The following CHST11 variants were observed in gnomAD, a reference collection of about 807,000 sequenced individuals.
CHST11 encodes the protein C4S-1.
A neutral mutation model predicts 30.4 loss-of-function variants in CHST11; 9 were observed. The observed-to-expected ratio is 0.30, with a 90% CI of 0.18 to 0.52. CHST11 has a LOEUF of 0.52. CHST11 is among the 20% of genes least tolerant of loss of function. The pLI is 0.97. For missense variants in CHST11, 348 were observed against 460.6 expected (o/e 0.76, Z 2.24); for synonymous variants, 152 against 187.8 (o/e 0.81, Z 1.56).
At chr12:104,732,072 C>A (rs577101155) in intron 2 of CHST11, among the ~76,000 whole-genome samples, 27 of 152,342 alleles carry the variant, frequency 1.8e-4, no homozygotes, top group Middle Eastern at 3.4e-3. Flanking sequence ...ATGCTCGGTC[C>A]CTCCAGGGAA....
Position 104,721,131 on chromosome 12 carries a change from G to A in CHST11, c.205-35818G>A, listed in dbSNP as rs74562416. Among the ~76,000 whole-genome samples the A allele has an allele frequency of 2.0e-5, 3 of 152,342 alleles. No individual in the cohort carries two copies. The East Asian group carries it at 5.8e-4, about 29-fold the overall frequency. The stretch of plus-strand genomic sequence containing the variant: ...AAACCAAGGGGAATTTAATGCAAGA[G>A]CAAACCCTAAAGCCAGAAGCTGGGT... On this transcript the variant is annotated intron_variant, in intron 2 of 2. Transcript: ENST00000303694.
intron 1 of CHST11, among the ~76,000 whole-genome samples, chr12:104,592,168 TTCTC>T (rs2038865692): frequency 6.7e-6 from 1 of 149,462 alleles, no homozygotes; most frequent in Non-Finnish European, 1.5e-5. Flanking sequence ...TACTCTCCCT[TTCTC>T]TCTTCTCCCT....
chr12:104,657,986 A>G (rs1170741529), intron 2 of CHST11, among the ~76,000 whole-genome samples: 1 of 152,206 alleles, frequency 6.6e-6, no homozygotes, highest in Non-Finnish European at 1.5e-5. Context: ...AGCAGTGTTC[A>G]GGGACGCAGC....
chr12:104,550,102 C>T (rs764776244), intron 1 of CHST11, among the ~76,000 whole-genome samples: 1 of 152,104 alleles, frequency 6.6e-6, no homozygotes, highest in Non-Finnish European at 1.5e-5. Context: ...TAGAGGCACC[C>T]CTTGTGGCTG....
intron 2 of CHST11, among the ~76,000 whole-genome samples, chr12:104,620,630 ATTTG>A (rs1040280362): frequency 7.2e-5 from 11 of 152,170 alleles, no homozygotes; most frequent in South Asian, 6.2e-4. Context: ...TTATTTATTT[ATTTG>A]TTTGTTTGTT....
chr12:104,591,335 A>G (rs934178041), intron 1 of CHST11, among the ~76,000 whole-genome samples: 3 of 152,046 alleles, frequency 2.0e-5, no homozygotes, highest in Non-Finnish European at 4.4e-5. Context: ...TAGAGTAGGG[A>G]GGCCAGGGTG....
chr12:104,752,667 A>T (rs2040443159), intron 2 of CHST11, among the ~76,000 whole-genome samples: 1 of 152,172 alleles, frequency 6.6e-6, no homozygotes, highest in Non-Finnish European at 1.5e-5. Context: ...AGCTGGGATC[A>T]CAGGCACCCG....
chr12:104,685,258 G>A (rs1469513793), intron 2 of CHST11, among the ~76,000 whole-genome samples: 1 of 152,176 alleles, frequency 6.6e-6, no homozygotes, highest in Non-Finnish European at 1.5e-5. Flanking sequence ...GAGGTGCGAT[G>A]TTACTGCATG....
At chr12:104,646,782 C>T (rs2039437003) in intron 2 of CHST11, among the ~76,000 whole-genome samples, 1 of 152,226 alleles carries the variant, frequency 6.6e-6, no homozygotes, top group Admixed American at 6.5e-5. Flanking sequence ...ACCAATGTGC[C>T]AGGCTCAGCG....
At chr12:104,684,641 A>G (rs1454524885) in intron 2 of CHST11, among the ~76,000 whole-genome samples, 4 of 152,206 alleles carry the variant, frequency 2.6e-5, no homozygotes, top group Non-Finnish European at 4.4e-5. Flanking sequence ...TCTGCCTCCC[A>G]GGTTCAAGTG....
chr12:104,666,100 G>A (rs2039640799), intron 2 of CHST11, among the ~76,000 whole-genome samples: 1 of 152,064 alleles, frequency 6.6e-6, no homozygotes, highest in African/African-American at 2.4e-5. Flanking sequence ...TTACAGGTGT[G>A]AGCCACCGCA....
At chr12:104,610,901 G>A (rs2039054425) in intron 2 of CHST11, among the ~76,000 whole-genome samples, 1 of 152,232 alleles carries the variant, frequency 6.6e-6, no homozygotes, top group African/African-American at 2.4e-5. Context: ...TAAAATGCTT[G>A]TGGTTCAGTT....
chr12:104,636,030 T>C (rs1002037976), intron 2 of CHST11, among the ~76,000 whole-genome samples: 2 of 152,322 alleles, frequency 1.3e-5, no homozygotes, highest in African/African-American at 4.8e-5. Context: ...GTGTATATTA[T>C]GTACTATAAG....
chr12:104,706,767 C>T (rs995512523), intron 2 of CHST11, among the ~76,000 whole-genome samples: 1 of 152,166 alleles, frequency 6.6e-6, no homozygotes, highest in Non-Finnish European at 1.5e-5. Context: ...TCCACAAACT[C>T]AGCTATCTTC....
intron 2 of CHST11, among the ~76,000 whole-genome samples, chr12:104,723,339 TAGTC>T (rs972782621): frequency 3.3e-5 from 5 of 151,972 alleles, no homozygotes; most frequent in African/African-American, 9.7e-5. Flanking sequence ...ACACACAACA[TAGTC>T]AGGACAGCCT....
chr12:104,734,073 T>G lies in CHST11; in HGVS notation c.205-22876T>G, dbSNP rs534900210. 1.1e-4 allele frequency among the ~76,000 whole-genome samples: 16 copies of G among 152,354 alleles called. No individual in the cohort carries two copies. In the East Asian group the frequency reaches 2.7e-3, roughly 26 times the overall value. On this transcript the variant is annotated intron_variant, in intron 2 of 2. Coordinates refer to ENST00000303694, the MANE Select transcript of CHST11 (RefSeq NM_018413.6). ...CTCCTCCAAAGAAGGCAGCAGGGCT[T>G]CCCCTGCCAGGAGGGCCAGCTTCCG...
In CHST11 at chr12:104,458,642, T is replaced by A. The variant is rs1434404680; in HGVS notation, c.118+1113T>A. Among the ~76,000 whole-genome samples the A allele has an allele frequency of 6.6e-6, 1 of 152,196 alleles. No individual in the cohort carries two copies. The highest frequency in any genetic ancestry group is 1.5e-5 in the Non-Finnish European group (1 of 68,022). On this transcript the variant is annotated intron_variant, in intron 1 of 2. Transcript: ENST00000303694. This position sits in a 1 kb window ranked among gnomAD's most constrained non-coding sequence, Gnocchi z 5.7. Reference sequence around the variant, plus strand: ...GTGGCTCCCCTGCTCCCTTTTACCCTCCCTTAGCAGCCCCCTGCCGGGCCA... The same window carrying A: ...GTGGCTCCCCTGCTCCCTTTTACCCACCCTTAGCAGCCCCCTGCCGGGCCA...
intron 2 of CHST11, among the ~76,000 whole-genome samples, chr12:104,697,364 T>C (rs1055427826): frequency 3.9e-5 from 6 of 152,204 alleles, no homozygotes; most frequent in African/African-American, 1.4e-4. Context: ...TCCTCTCCAG[T>C]GTGGCCGGGC....
intron 2 of CHST11, among the ~76,000 whole-genome samples, chr12:104,658,971 G>A (rs537261106): frequency 1.3e-5 from 2 of 152,244 alleles, no homozygotes; most frequent in Non-Finnish European, 2.9e-5. Context: ...TGGCTGCAGA[G>A]GATACTTTAT....
Sources: gnomAD v4.1 joint callset for allele counts (sites outside exome capture counted in the v4.1 genomes callset) on GRCh38, gnomAD v4.1.1 for gene constraint, Gnocchi (gnomAD v3.1) non-coding constraint, MANE v1.5 for transcripts, NCBI Gene and HGNC (gene_info 2026-07-23, HGNC 2026-07-21) for gene names.